The following CSMD1 variants were observed in gnomAD, a reference collection of about 807,000 sequenced individuals.
CSMD1 encodes the protein CUB and sushi domain-containing protein 1.
A neutral mutation model predicts 417.5 loss-of-function variants in CSMD1; 213 were observed. The ratio of observed to expected loss-of-function variants is 0.51; its 90% CI spans 0.46 to 0.57. CSMD1 has a LOEUF of 0.57. CSMD1 is among the 20% of genes least tolerant of loss of function. CSMD1 has a pLI of 0.00. For missense variants in CSMD1, 6,923 were observed against 4,529.7 expected, an observed-to-expected ratio of 1.53 and a Z score of -15.17; for synonymous variants, 2,862 against 1,736.8, an observed-to-expected ratio of 1.65 and a Z score of -16.11.
At chr8:4,505,591 T>G (rs1017710186) in intron 2 of CSMD1, among the ~76,000 whole-genome samples, 4 of 152,292 alleles carry the variant, frequency 2.6e-5, no homozygotes, top group East Asian at 1.9e-4. Context: ...ACTTAATAAC[T>G]TAGCCTTGTG....
intron 3 of CSMD1, among the ~76,000 whole-genome samples, chr8:4,032,543 G>T (rs113709855): frequency 6.6e-5 from 10 of 152,090 alleles, no homozygotes; most frequent in South Asian, 2.1e-4. Flanking sequence ...ATGCTTCCAC[G>T]ACTGGTACAG....
rs1563254965 is a variant in CSMD1 at position 3,308,511 on chromosome 8, A to G, written c.3632-8T>C. On this transcript the variant is annotated splice_region_variant and splice_polypyrimidine_tract_variant and intron_variant, in intron 23 of 69. Transcript: ENST00000635120. ...ATTTTACCAGATCAAAACCTGCAAGAGAGAAAGGCAAGGAATGAACAGAAC... is the reference window on the plus strand; with the variant it reads ...ATTTTACCAGATCAAAACCTGCAAGGGAGAAAGGCAAGGAATGAACAGAAC... The G allele has an allele frequency of 8.1e-6, 13 of 1,605,386 alleles. No individual in the cohort carries two copies. The highest frequency in any genetic ancestry group is 1.0e-5 in the Non-Finnish European group (12 of 1,173,582).
chr8:3,726,280 C>G (rs1010733619), intron 6 of CSMD1, among the ~76,000 whole-genome samples: 1 of 152,206 alleles, frequency 6.6e-6, no homozygotes, highest in Non-Finnish European at 1.5e-5. Flanking sequence ...TGCACATCGT[C>G]TCCCTTAAAA....
At chr8:4,879,910 T>C (rs988578285) in intron 1 of CSMD1, among the ~76,000 whole-genome samples, 3 of 152,138 alleles carry the variant, frequency 2.0e-5, no homozygotes, top group East Asian at 1.9e-4. Flanking sequence ...GTCTGGATTT[T>C]ATCTCATTAA....
At chr8:4,358,229 A>G (rs75837422) in intron 3 of CSMD1, among the ~76,000 whole-genome samples, 3 of 152,214 alleles carry the variant, frequency 2.0e-5, no homozygotes, top group Non-Finnish European at 4.4e-5. Context: ...GTACCAAATG[A>G]ATGTCACTGT....
At chr8:4,198,964 G>C (rs1401712621) in intron 3 of CSMD1, among the ~76,000 whole-genome samples, 3 of 151,520 alleles carry the variant, frequency 2.0e-5, no homozygotes, top group Non-Finnish European at 2.9e-5. Context: ...TTTTAAGACA[G>C]TACTGTTGCT....
intron 6 of CSMD1, among the ~76,000 whole-genome samples, chr8:3,713,661 A>G (rs1021604172): frequency 8.5e-5 from 13 of 152,210 alleles, no homozygotes; most frequent in Admixed American, 5.2e-4. Context: ...AGCTTTACCT[A>G]TAAAGGGAGA....
At chr8:3,963,890 G>C (rs539110701) in intron 5 of CSMD1, among the ~76,000 whole-genome samples, 2 of 152,166 alleles carry the variant, frequency 1.3e-5, no homozygotes, top group African/African-American at 4.8e-5. Context: ...CTGACACTCG[G>C]AAGAATTTCT....
chr8:4,035,156 G>T (rs1797550827), intron 3 of CSMD1, among the ~76,000 whole-genome samples: 1 of 150,186 alleles, frequency 6.7e-6, no homozygotes, highest in African/African-American at 2.4e-5. Context: ...TCGGTCCCAG[G>T]AGATGATGGC....
At chr8:4,214,071 T>G (rs901260479) in intron 3 of CSMD1, among the ~76,000 whole-genome samples, 1 of 152,190 alleles carries the variant, frequency 6.6e-6, no homozygotes, top group African/African-American at 2.4e-5. Context: ...ATATCTGACC[T>G]ACTGAATTAT....
intron 7 of CSMD1, among the ~76,000 whole-genome samples, chr8:3,680,983 C>T (rs1799629942): frequency 6.6e-6 from 1 of 152,154 alleles, no homozygotes; most frequent in Non-Finnish European, 1.5e-5. Context: ...TGACAAAATT[C>T]AACAGCCCTT....
intron 7 of CSMD1, among the ~76,000 whole-genome samples, chr8:3,641,121 T>G (rs1353214143): frequency 2.0e-5 from 3 of 151,310 alleles, no homozygotes; most frequent in African/African-American, 4.9e-5. Context: ...CTGAAGTTAT[T>G]GCAGAAGGTG....
chr8:2,978,791 C>A lies in CSMD1; in HGVS notation c.8387G>T (p.Cys2796Phe). 6.2e-7 allele frequency: 1 copy of A among 1,607,320 alleles called. No homozygotes were observed. Among genetic ancestry groups the A allele is most frequent in the Non-Finnish European group, 8.5e-7 (1 of 1,177,534 alleles). ...SPLPTCRVVN[C>F]SDPGFVENAI... Reference sequence around the variant, plus strand: ...ATTTTCCACAAAGCCTGGATCAGAACAGTTCACCACTAGAAAATAAAACAT... The same window carrying A: ...ATTTTCCACAAAGCCTGGATCAGAAAAGTTCACCACTAGAAAATAAAACAT... Residue 2796 changes from cysteine (C) to phenylalanine (F), a missense_variant, in exon 55 of 70, where the codon TGT becomes TTT. Cys to Phe is a radical substitution (Grantham distance 205, BLOSUM62 -2). Coordinates refer to ENST00000635120, the MANE Select transcript of CSMD1 (RefSeq NM_033225.6).
chr8:4,058,938 G>A (rs781018797), intron 3 of CSMD1, among the ~76,000 whole-genome samples: 18 of 152,002 alleles, frequency 1.2e-4, no homozygotes, highest in Non-Finnish European at 1.9e-4. Flanking sequence ...TGCACCAAGC[G>A]GGCCTAACAG....
intron 11 of CSMD1, among the ~76,000 whole-genome samples, chr8:3,489,613 A>T (rs977435229): frequency 5.9e-5 from 9 of 152,142 alleles, no homozygotes; most frequent in African/African-American, 1.9e-4. Context: ...TATAAATATG[A>T]CCCAAGTTCC....
chr8:4,771,209 T>G (rs560794272), intron 1 of CSMD1, among the ~76,000 whole-genome samples: 106 of 152,328 alleles, frequency 7.0e-4, no homozygotes, highest in African/African-American at 2.5e-3. Context: ...TGCCTAAAAT[T>G]AGCAATTTTC....
chr8:4,877,497 C>A (rs928802681), intron 1 of CSMD1, among the ~76,000 whole-genome samples: 4 of 152,104 alleles, frequency 2.6e-5, no homozygotes, highest in South Asian at 4.1e-4. Context: ...CTCCTAAAAT[C>A]TCTTCCCGAT....
At chr8:3,966,997 T>C (rs533136967) in intron 5 of CSMD1, among the ~76,000 whole-genome samples, 49 of 152,282 alleles carry the variant, frequency 3.2e-4, no homozygotes, top group Admixed American at 6.5e-4. Flanking sequence ...TCTTCCACTG[T>C]AGAGTGTCAA....
chr8:3,638,615 G>A (rs1023197854), intron 7 of CSMD1, among the ~76,000 whole-genome samples: 4 of 152,182 alleles, frequency 2.6e-5, no homozygotes, highest in Non-Finnish European at 4.4e-5. Context: ...CCTTTCTCCT[G>A]CCCAGTCATG....
Sources: allele counts gnomAD v4.1 joint callset (sites outside exome capture counted in the v4.1 genomes callset), GRCh38; gene constraint gnomAD v4.1.1; transcripts MANE v1.5; gene names NCBI Gene and HGNC (gene_info 2026-07-23, HGNC 2026-07-21).